Variants in RREB1 observed in about 807,000 individuals in gnomAD.
RREB1 encodes the protein ras-responsive element-binding protein 1.
RREB1 carries 27 observed loss-of-function variants against 117.8 expected under a neutral mutation model. The ratio of observed to expected loss-of-function variants is 0.23; its 90% CI spans 0.17 to 0.32. The LOEUF (loss-of-function observed/expected upper bound fraction) is 0.32, where lower values mean the gene tolerates loss of function less well. Among genes scored for constraint, RREB1 ranks in the 10% least tolerant of loss-of-function variants. The probability of loss-of-function intolerance (pLI) is 1.00; values close to 1 mark genes in which losing one functional copy is unlikely to be tolerated. For synonymous variants in RREB1, 1,298 were observed against 1,026.7 expected (o/e 1.26, Z -5.05); for missense variants, 2,577 against 2,378.2 (o/e 1.08, Z -1.74).
chr6:7,156,457 C>A (rs1465213944), intron 1 of RREB1, among the ~76,000 whole-genome samples: 1 of 152,202 alleles, frequency 6.6e-6, no homozygotes, highest in South Asian at 2.1e-4. Context: ...CCTTGATGTG[C>A]TTTTTGCCTC....
rs934916289 is a variant in RREB1 at position 7,249,101 on chromosome 6, G to GACAGACAGACAGACAGACAGAC, written c.*134_*135insCAGACAGACAGACAGACAGACA. ...AGAGAGAGAGAGAGAGAGAGAGAGA[G>GACAGACAGACAGACAGACAGAC]AGACAAGCAGGAGCGTGGCTGCTCG... On this transcript the variant is annotated 3_prime_UTR_variant, in exon 13 of 13. Coordinates refer to ENST00000379938, the MANE Select transcript of RREB1 (RefSeq NM_001003699.4). 2.7e-5 allele frequency: 16 copies of GACAGACAGACAGACAGACAGAC among 591,948 alleles called. No individual in the cohort carries two copies. The African/African-American group carries it at 2.9e-4, about 11-fold the overall frequency. 36.7% of individuals were successfully genotyped at this position (591,948 alleles called of 1,614,324 possible). A position where few individuals can be genotyped will look rare whatever the true frequency, so the allele number is the denominator to read the frequency against.
At chr6:7,132,399 C>T (rs572352611) in intron 1 of RREB1, among the ~76,000 whole-genome samples, 44 of 152,248 alleles carry the variant, frequency 2.9e-4, no homozygotes, top group African/African-American at 1.0e-3. Context: ...TCCTGGGCCT[C>T]AAGCGATCCA....
intron 11 of RREB1, among the ~76,000 whole-genome samples, chr6:7,242,551 A>G (rs189523557): frequency 8.3e-4 from 126 of 152,284 alleles, no homozygotes; most frequent in African/African-American, 2.6e-3. Flanking sequence ...TGGGAGGGAA[A>G]AGTTTAGGGA....
chr6:7,181,687 C>A (rs1054513939), intron 3 of RREB1, 183 bp from the exon 4 acceptor site: 9 of 626,774 alleles, frequency 1.4e-5, no homozygotes, highest in Non-Finnish European at 2.5e-5. Context: ...CCTTGGTATG[C>A]CAAGACTTGG....
intron 1 of RREB1, among the ~76,000 whole-genome samples, chr6:7,156,045 G>A (rs1208527542): frequency 6.6e-6 from 1 of 152,220 alleles, no homozygotes; most frequent in Non-Finnish European, 1.5e-5. Flanking sequence ...AACTCACAAA[G>A]TAACATTTCA....
chr6:7,247,538 A>G (rs1769162224), intron 12 of RREB1, among the ~76,000 whole-genome samples: 1 of 151,998 alleles, frequency 6.6e-6, no homozygotes, highest in Non-Finnish European at 1.5e-5. Context: ...TGTTTCATAG[A>G]GGTATCTAGG....
chr6:7,138,508 A>T (rs1209571555), intron 1 of RREB1, among the ~76,000 whole-genome samples: 1 of 152,256 alleles, frequency 6.6e-6, no homozygotes, highest in Non-Finnish European at 1.5e-5. Flanking sequence ...TAGCTTTTGT[A>T]AGTCTTCAGA....
At chr6:7,173,480 G>A (rs1407940645) in intron 1 of RREB1, among the ~76,000 whole-genome samples, 2 of 150,606 alleles carry the variant, frequency 1.3e-5, no homozygotes, top group Non-Finnish European at 2.9e-5. Context: ...GCGACAGAAT[G>A]AGACTCTGTC....
rs1433820361 is a variant in RREB1 at position 7,230,628 on chromosome 6, G to A, written c.2529G>A (p.Gly843=). The change falls in exon 10 of 13, where the codon GGG becomes GGA. Residue 843 remains glycine (G), a synonymous_variant. Coordinates refer to ENST00000379938, the MANE Select transcript of RREB1 (RefSeq NM_001003699.4). Reference sequence around the variant, plus strand: ...AGGCGCCGGCCGCTGAGGCGTCGGGGCGCGGGGAGGACAGTGGCTGCGCTG... The same window carrying A: ...AGGCGCCGGCCGCTGAGGCGTCGGGACGCGGGGAGGACAGTGGCTGCGCTG... The part of the protein sequence containing the change: ...PAEAPAAEAS[G]RGEDSGCAAL... 6.2e-7 allele frequency: 1 copy of A among 1,604,306 alleles called. No homozygotes were observed. Among genetic ancestry groups the A allele is most frequent in the Non-Finnish European group, 8.5e-7 (1 of 1,175,756 alleles).
At chr6:7,181,648 C>G (rs1042729462) in intron 3 of RREB1, 3 of 600,372 alleles carry the variant, frequency 5.0e-6, no homozygotes, top group African/African-American at 3.7e-5. Flanking sequence ...TGGTAGTGCA[C>G]ACTCAGAAAG....
chr6:7,209,194 T>C (rs545445469), intron 6 of RREB1, among the ~76,000 whole-genome samples: 1 of 152,374 alleles, frequency 6.6e-6, no homozygotes, highest in East Asian at 1.9e-4. Context: ...ATGAACTGTT[T>C]ACAGTTGTCA....
rs59558597 is a variant in RREB1 at position 7,223,257 on chromosome 6, T to TAAA, written c.708-3190_708-3188dup. Reference sequence around the variant, plus strand: ...GGGCGACAGAGCAAGACTCTCTTTTTAAAAAAAAAAAAAAAAAAAAAAGGC... The same window carrying TAAA: ...GGGCGACAGAGCAAGACTCTCTTTTTAAAAAAAAAAAAAAAAAAAAAAAAAGGC... On this transcript the variant is annotated intron_variant, in intron 8 of 12. Transcript: ENST00000379938. Among the ~76,000 whole-genome samples, 336 of 97,256 alleles carry TAAA rather than the reference T, an allele frequency of 3.5e-3. 5 individuals carry two copies. Among genetic ancestry groups the TAAA allele is most frequent in the African/African-American group, 0.011 (267 of 24,758 alleles). The allele number at this position is 97,256 out of a possible 152,430, so 63.8% of individuals were successfully genotyped here. A position where few individuals can be genotyped will look rare whatever the true frequency, so the allele number is the denominator to read the frequency against.
chr6:7,205,245 GA>G (rs1298082535), intron 6 of RREB1, among the ~76,000 whole-genome samples: 3 of 152,338 alleles, frequency 2.0e-5, no homozygotes, highest in African/African-American at 4.8e-5. Flanking sequence ...GCAGGCCTGG[GA>G]TGGGACTCGG....
chr6:7,196,152 G>T (rs757188063), intron 6 of RREB1, among the ~76,000 whole-genome samples: 1 of 151,178 alleles, frequency 6.6e-6, no homozygotes, highest in East Asian at 1.9e-4. Flanking sequence ...CAGCCCTCCG[G>T]TGTTGCCTGC....
intron 1 of RREB1, among the ~76,000 whole-genome samples, chr6:7,109,452 C>A (rs1157851755): frequency 6.8e-6 from 1 of 146,320 alleles, no homozygotes; most frequent in African/African-American, 2.5e-5. Flanking sequence ...ACCTGCTCCG[C>A]GGCCGCGCGT....
intron 1 of RREB1, among the ~76,000 whole-genome samples, chr6:7,153,693 C>CT (rs1211671075): frequency 6.6e-6 from 1 of 152,202 alleles, no homozygotes; most frequent in Non-Finnish European, 1.5e-5. Flanking sequence ...GGGCTTAAGA[C>CT]TGATGATGTG....
chr6:7,228,164 C>T (rs977749867), intron 9 of RREB1, among the ~76,000 whole-genome samples: 3 of 152,112 alleles, frequency 2.0e-5, no homozygotes, highest in African/African-American at 7.2e-5. Flanking sequence ...AAGGTACAAA[C>T]TCAATGGATT....
Position 7,229,576 on chromosome 6 carries a change from C to G in RREB1, c.1477C>G (p.Pro493Ala), listed in dbSNP as rs1767788677. 1 of 1,612,288 alleles carries G rather than the reference C, an allele frequency of 6.2e-7. No homozygotes were observed. Among genetic ancestry groups the G allele is most frequent in the East Asian group, 2.2e-5 (1 of 44,818 alleles). Residue 493 changes from proline to alanine, a missense_variant, in exon 10 of 13, where the codon CCT becomes GCT. Physicochemically the swap from Pro to Ala is conservative, Grantham distance 27. Coordinates refer to ENST00000379938, the MANE Select transcript of RREB1 (RefSeq NM_001003699.4). This position sits in a 1 kb window ranked among gnomAD's most constrained non-coding sequence, Gnocchi z 4.5. ...QISLPPFSKAPAAPLQAIFKH... is the reference protein window; with the variant it reads ...QISLPPFSKAAAAPLQAIFKH... ...CAGTCTTCCGCCCTTCTCCAAGGCC[C>G]CTGCCGCCCCACTGCAGGCGATCTT...
At chr6:7,163,120 A>G (rs1763748432) in intron 1 of RREB1, among the ~76,000 whole-genome samples, 1 of 152,214 alleles carries the variant, frequency 6.6e-6, no homozygotes, top group African/African-American at 2.4e-5. Flanking sequence ...CCTTGAAAGG[A>G]CTATTCTTCC....
Sources: gnomAD v4.1 joint callset for allele counts (sites outside exome capture counted in the v4.1 genomes callset) on GRCh38, gnomAD v4.1.1 for gene constraint, Gnocchi (gnomAD v3.1) non-coding constraint, MANE v1.5 for transcripts, NCBI Gene and HGNC (gene_info 2026-07-23, HGNC 2026-07-21) for gene names.